PTPRN2: variants seen among roughly 807,000 people sequenced by gnomAD.
PTPRN2 encodes receptor-type tyrosine-protein phosphatase N2.
Under a neutral mutation model 118.8 loss-of-function variants are expected in PTPRN2, and 74 were observed. The observed-to-expected ratio is 0.62, with a 90% CI of 0.52 to 0.76. The LOEUF is 0.76. PTPRN2 is among the 30% of genes least tolerant of loss of function. The probability of loss-of-function intolerance (pLI) is 0.00; values close to 1 mark genes in which losing one functional copy is unlikely to be tolerated. For synonymous variants in PTPRN2, 641 were observed against 608.0 expected (o/e 1.05, Z -0.80); for missense variants, 1,481 against 1,394.4 (o/e 1.06, Z -0.99).
intron 3 of PTPRN2, among the ~76,000 whole-genome samples, chr7:158,299,866 A>G (rs760101124): frequency 2.2e-4 from 34 of 152,126 alleles, no homozygotes; most frequent in Non-Finnish European, 4.3e-4. Flanking sequence ...ACCCAGCAAA[A>G]TGAGCACCTT....
rs1800866193 is a variant in PTPRN2, at chr7:157,952,323, C to T, written c.1724-53586G>A. On this transcript the variant is annotated intron_variant, in intron 11 of 22. Coordinates refer to ENST00000389418, the MANE Select transcript of PTPRN2 (RefSeq NM_002847.5). ...GGTGGGAGGAACCTGGGGTAGTGTG[C>T]ACGCCTGAGACAGGGTGGGGGACAC... is the stretch of plus-strand genomic sequence containing the variant. Among the ~76,000 whole-genome samples the T allele has an allele frequency of 2.0e-5, 3 of 150,198 alleles. No individual in the cohort carries two copies. In the South Asian group the frequency reaches 6.3e-4, roughly 31 times the overall value.
intron 11 of PTPRN2, among the ~76,000 whole-genome samples, chr7:157,900,609 C>T (rs1454105434): frequency 6.6e-6 from 1 of 152,206 alleles, no homozygotes; most frequent in African/African-American, 2.4e-5. Flanking sequence ...CTTTTCAGCA[C>T]ATTTCAGGCA....
At chr7:157,695,754 G>C (rs1333057528) in intron 12 of PTPRN2, among the ~76,000 whole-genome samples, 1 of 152,222 alleles carries the variant, frequency 6.6e-6, no homozygotes, top group Admixed American at 6.5e-5. Context: ...ACACTAGTGA[G>C]AAGTCCTTAT....
intron 11 of PTPRN2, among the ~76,000 whole-genome samples, chr7:157,980,053 T>A (rs1803020395): frequency 6.6e-6 from 1 of 152,232 alleles, no homozygotes; most frequent in Non-Finnish European, 1.5e-5. Context: ...TGAGGACTCC[T>A]TAGTCTTTGA....
intron 5 of PTPRN2, among the ~76,000 whole-genome samples, chr7:158,190,501 G>A (rs1481798753): frequency 1.3e-5 from 2 of 152,238 alleles, no homozygotes; most frequent in Admixed American, 1.3e-4. Context: ...CCAGCCAGTG[G>A]TCCTGATGGG....
intron 11 of PTPRN2, among the ~76,000 whole-genome samples, chr7:158,067,073 C>T (rs1315115810): frequency 1.7e-4 from 26 of 152,184 alleles, no homozygotes; most frequent in Admixed American, 1.6e-3. Flanking sequence ...ACACCTGGCA[C>T]CTAAGCAGCC....
rs558162659 is a variant in PTPRN2 at position 157,682,596 on chromosome 7, C to T, written c.2001+129G>A. 44 of 968,678 alleles carry T rather than the reference C, an allele frequency of 4.5e-5. 1 individual carries two copies. The South Asian group carries it at 5.7e-4, about 13-fold the overall frequency. The allele number at this position is 968,678 out of a possible 1,614,324, so 60.0% of individuals were successfully genotyped here. ...CTGATGAGAAGTTCCAAACTGTCCT[C>T]ATAAAAGACCCCAAACTATGATACA... On this transcript the variant is annotated intron_variant, in intron 13 of 22. Coordinates refer to ENST00000389418, the MANE Select transcript of PTPRN2 (RefSeq NM_002847.5).
chr7:158,574,487 A>G lies in PTPRN2; in HGVS notation c.112+13071T>C, dbSNP rs1309902414. 6.6e-6 allele frequency among the ~76,000 whole-genome samples: 1 copy of G among 152,174 alleles called. No homozygotes were observed. Among genetic ancestry groups the G allele is most frequent in the Non-Finnish European group, 1.5e-5 (1 of 68,034 alleles). On this transcript the variant is annotated intron_variant, in intron 1 of 22. Transcript: ENST00000389418. This position sits in a 1 kb window ranked among gnomAD's most constrained non-coding sequence, Gnocchi z 4.6. Reference sequence around the variant, plus strand: ...TGGTGGCGCCATCAGACACTGAGACACTGAGAGGAGGGGCCACAAGGGGGA... The same window carrying G: ...TGGTGGCGCCATCAGACACTGAGACGCTGAGAGGAGGGGCCACAAGGGGGA...
chr7:158,119,804 A>G (rs1217777681), intron 9 of PTPRN2, among the ~76,000 whole-genome samples: 1 of 152,166 alleles, frequency 6.6e-6, no homozygotes, highest in Non-Finnish European at 1.5e-5. Flanking sequence ...AGTTTCAAGC[A>G]TCCACTGGGG....
chr7:158,170,039 T>C (rs1585724188), intron 5 of PTPRN2, among the ~76,000 whole-genome samples: 1 of 152,346 alleles, frequency 6.6e-6, no homozygotes, highest in East Asian at 1.9e-4. Flanking sequence ...GATGTGACTA[T>C]AGCTATCATC....
At chr7:158,064,738 G>A (rs1028389073) in intron 11 of PTPRN2, among the ~76,000 whole-genome samples, 2 of 152,106 alleles carry the variant, frequency 1.3e-5, no homozygotes, top group African/African-American at 4.8e-5. Flanking sequence ...CTACTTGCAG[G>A]GGAGGGAAGA....
intron 10 of PTPRN2, among the ~76,000 whole-genome samples, chr7:158,085,409 ACACCCAT>A (rs1175060792): frequency 2.8e-5 from 2 of 71,378 alleles, no homozygotes. Flanking sequence ...ACGCCCATCC[ACACCCAT>A]GACGCCCATC....
intron 12 of PTPRN2, among the ~76,000 whole-genome samples, chr7:157,756,966 G>T (rs1460716830): frequency 6.6e-6 from 1 of 152,208 alleles, no homozygotes; most frequent in Non-Finnish European, 1.5e-5. Context: ...CCTGGAACAT[G>T]CAGGGCCACG....
Position 157,615,438 on chromosome 7 carries a change from G to A in PTPRN2, c.2344+5924C>T, listed in dbSNP as rs1455998567. On this transcript the variant is annotated intron_variant, in intron 15 of 22. Coordinates refer to ENST00000389418, the MANE Select transcript of PTPRN2 (RefSeq NM_002847.5). The surrounding 1 kb of genome is among the most constrained non-coding windows in gnomAD (Gnocchi z 4.3). ...CTCAGGGCTGTTTCGAGGATGAAAA[G>A]GAGGTGTTTAGCCCCGAGCCTCACG... is the stretch of plus-strand genomic sequence containing the variant. 1 of 471,188 alleles carries A rather than the reference G, an allele frequency of 2.1e-6. No homozygotes were observed. The highest frequency in any genetic ancestry group is 1.5e-5 in the South Asian group (1 of 64,570). 29.2% of individuals were successfully genotyped at this position (471,188 alleles called of 1,614,324 possible).
rs1803867226 is a variant in PTPRN2, at chr7:157,987,175, T to C, written c.1724-88438A>G. 1.3e-5 allele frequency among the ~76,000 whole-genome samples: 2 copies of C among 152,084 alleles called. No homozygotes were observed. The highest frequency in any genetic ancestry group is 4.1e-4 in the South Asian group (2 of 4,822). ...CACGCTTGGTCGGCAACACAGAGAT[T>C]CCATTTCTTCCTGGGATTAGGAAGC... On this transcript the variant is annotated intron_variant, in intron 11 of 22. Coordinates refer to ENST00000389418, the MANE Select transcript of PTPRN2 (RefSeq NM_002847.5). The surrounding 1 kb of genome is among the most constrained non-coding windows in gnomAD (Gnocchi z 4.3).
At chr7:158,260,842 G>A (rs560875533) in intron 3 of PTPRN2, among the ~76,000 whole-genome samples, 23 of 152,238 alleles carry the variant, frequency 1.5e-4, no homozygotes, top group Non-Finnish European at 3.1e-4. Context: ...CTGATCAGTC[G>A]CACAGGCCGG....
intron 11 of PTPRN2, chr7:158,029,376 C>T (rs1019441891): frequency 2.0e-5 from 3 of 152,318 alleles, no homozygotes; most frequent in Admixed American, 2.0e-4. Flanking sequence ...CCGAATTCTA[C>T]CCCAAAGAAA....
intron 19 of PTPRN2, chr7:157,574,241 C>T (rs920476971): frequency 3.9e-5 from 15 of 382,118 alleles, no homozygotes; most frequent in Admixed American, 7.2e-5. Flanking sequence ...GGTCACCGGG[C>T]GAGAGCGCAC....
chr7:158,002,374 G>T (rs1308998078), intron 11 of PTPRN2, among the ~76,000 whole-genome samples: 1 of 152,126 alleles, frequency 6.6e-6, no homozygotes, highest in East Asian at 1.9e-4. Context: ...CAGAGTTTCG[G>T]CCCCTAAAAA....
Sources: allele counts gnomAD v4.1 joint callset (sites outside exome capture counted in the v4.1 genomes callset), GRCh38; gene constraint gnomAD v4.1.1; non-coding constraint Gnocchi (gnomAD v3.1); transcripts MANE v1.5; gene names NCBI Gene and HGNC (gene_info 2026-07-23, HGNC 2026-07-21).